KAT6B: variants seen among roughly 807,000 people sequenced by gnomAD.
The protein encoded by KAT6B is lysine acetyltransferase 6B.
KAT6B carries 10 observed loss-of-function variants against 187.5 expected under a neutral mutation model. The observed-to-expected ratio is 0.05, with a 90% CI of 0.03 to 0.09. The LOEUF (loss-of-function observed/expected upper bound fraction) is 0.09. KAT6B is among the 10% of genes least tolerant of loss of function. The pLI, the probability that KAT6B is intolerant of heterozygous loss-of-function variation, is 1.00. For missense variants in KAT6B, 1,952 were observed against 2,558.9 expected (o/e 0.76, Z 5.12); for synonymous variants, 861 against 926.8 (o/e 0.93, Z 1.29).
Position 74,842,847 on chromosome 10 carries a change from A to G in KAT6B, c.-11A>G, listed in dbSNP as rs192373692. Reference sequence around the variant, plus strand: ...GGGTAACTTTTGTGTTGAAGAAGTCATTTGTCAACCATGGTAAAACTTGCA... The same window carrying G: ...GGGTAACTTTTGTGTTGAAGAAGTCGTTTGTCAACCATGGTAAAACTTGCA... On this transcript the variant is annotated 5_prime_UTR_variant, in exon 3 of 18. Coordinates refer to ENST00000287239, the MANE Select transcript of KAT6B (RefSeq NM_012330.4). 5 of 1,613,872 alleles carry G rather than the reference A, an allele frequency of 3.1e-6. No homozygotes were observed. The African/African-American group carries it at 5.3e-5, about 17-fold the overall frequency.
intron 3 of KAT6B, among the ~76,000 whole-genome samples, chr10:74,870,907 T>C (rs1171773755): frequency 6.8e-6 from 1 of 146,906 alleles, no homozygotes; most frequent in Non-Finnish European, 1.5e-5. Flanking sequence ...ATATGGAGTC[T>C]TACTCTGTCA....
At position 74,981,935 on chromosome 10, in the gene KAT6B, G is replaced by A. The variant is rs555317263; in HGVS notation, c.2373+7G>A. 69 of 1,613,260 alleles carry A rather than the reference G, an allele frequency of 4.3e-5. No homozygotes were observed. The highest frequency in any genetic ancestry group is 1.7e-4 in the Middle Eastern group (1 of 5,942). ...AGACCTTTCAGTATTTGAGGTAAGC[G>A]CGTGTAAATAAAAAAATTCAGCTTT... On this transcript the variant is annotated splice_region_variant and intron_variant, in intron 11 of 17. Transcript: ENST00000287239.
intron 3 of KAT6B, among the ~76,000 whole-genome samples, chr10:74,888,038 C>T (rs886064944): frequency 1.3e-5 from 2 of 152,094 alleles, no homozygotes; most frequent in Non-Finnish European, 2.9e-5. Flanking sequence ...CACAGGCTGG[C>T]AGAGCACTGA....
chr10:74,990,392 G>A (rs768173531), intron 13 of KAT6B, among the ~76,000 whole-genome samples: 1 of 151,726 alleles, frequency 6.6e-6, no homozygotes, highest in African/African-American at 2.4e-5. Context: ...AAGAAATATA[G>A]TGAATCTAAA....
chr10:74,842,489 C>A, intron 2 of KAT6B, 111 bp from the exon 3 acceptor site: 1 of 484,124 alleles, frequency 2.1e-6, no homozygotes, highest in Non-Finnish European at 3.4e-6. Context: ...ACCTGCCTGT[C>A]ATTACTTCTT....
At chr10:74,893,679 A>T (rs1416822479) in intron 3 of KAT6B, among the ~76,000 whole-genome samples, 1 of 152,094 alleles carries the variant, frequency 6.6e-6, no homozygotes, top group East Asian at 1.9e-4. Context: ...CATATTGGCC[A>T]GGCTAGTCTT....
At chr10:74,837,378 A>T (rs924088424) in intron 1 of KAT6B, among the ~76,000 whole-genome samples, 9 of 152,330 alleles carry the variant, frequency 5.9e-5, no homozygotes, top group African/African-American at 2.2e-4. Flanking sequence ...CCCAGAATTA[A>T]TTTAGGATGA....
At chr10:74,925,394 G>A (rs1047430805) in intron 3 of KAT6B, among the ~76,000 whole-genome samples, 7 of 150,820 alleles carry the variant, frequency 4.6e-5, no homozygotes, top group African/African-American at 1.5e-4. Context: ...CTCCTCTCTA[G>A]TCCCCACCCC....
At chr10:75,002,924 T>C (rs1173470650) in intron 13 of KAT6B, 8 of 152,342 alleles carry the variant, frequency 5.3e-5, no homozygotes, top group East Asian at 1.9e-4. Flanking sequence ...TAGGTTCTTA[T>C]TAATTGTTGA....
intron 17 of KAT6B, among the ~76,000 whole-genome samples, chr10:75,026,434 C>T (rs1271668492): frequency 6.6e-6 from 1 of 152,144 alleles, no homozygotes; most frequent in African/African-American, 2.4e-5. Flanking sequence ...TTACTTTAAT[C>T]TGGGGAACAG....
chr10:74,861,963 CTT>C (rs144703939), intron 3 of KAT6B, among the ~76,000 whole-genome samples: 3,519 of 152,300 alleles, frequency 0.023, 133 homozygotes, highest in African/African-American at 0.08. Context: ...CCTCTCTCCT[CTT>C]TGTCTTCATA....
rs200169190 is a variant in KAT6B, at chr10:75,023,888, TAC to T, written c.3373-1068_3373-1067del. 5.3e-5 allele frequency: 8 copies of T among 152,172 alleles called. No individual in the cohort carries two copies. In the East Asian group the frequency reaches 1.5e-3, roughly 29 times the overall value. 9.4% of individuals were successfully genotyped at this position (152,172 alleles called of 1,614,324 possible). On this transcript the variant is annotated intron_variant, in intron 16 of 17. Coordinates refer to ENST00000287239, the MANE Select transcript of KAT6B (RefSeq NM_012330.4). ...TAAAATAATAATAATAATAATTGAA[TAC>T]AGTTTACCTGAAGGTTAGCTTTTAA...
chr10:74,875,937 C>G (rs530299653), intron 3 of KAT6B, among the ~76,000 whole-genome samples: 14 of 152,206 alleles, frequency 9.2e-5, no homozygotes, highest in African/African-American at 3.4e-4. Context: ...CTTTTCATTC[C>G]CAGGAGGAAC....
At chr10:74,968,708 TA>T (rs1156827610) in intron 4 of KAT6B, among the ~76,000 whole-genome samples, 1 of 152,272 alleles carries the variant, frequency 6.6e-6, no homozygotes, top group Non-Finnish European at 1.5e-5. Context: ...AGACCAGGTT[TA>T]AAAAAATAAA....
intron 3 of KAT6B, among the ~76,000 whole-genome samples, chr10:74,853,256 G>C (rs1440227135): frequency 1.3e-5 from 2 of 149,968 alleles, no homozygotes; most frequent in Admixed American, 1.3e-4. Flanking sequence ...TGAGTAACTG[G>C]GACTACAGGT....
intron 3 of KAT6B, among the ~76,000 whole-genome samples, chr10:74,909,456 G>T (rs928484590): frequency 1.3e-5 from 2 of 152,172 alleles, no homozygotes; most frequent in Admixed American, 1.3e-4. Flanking sequence ...CAGAAAAATT[G>T]TTCCCTGTCC....
chr10:74,930,556 A>G (rs916698003), intron 3 of KAT6B, among the ~76,000 whole-genome samples: 1 of 152,268 alleles, frequency 6.6e-6, no homozygotes. Context: ...TAATGAAAGA[A>G]AATGATTTCA....
chr10:75,021,761 G>A, intron 15 of KAT6B, 120 bp from the exon 16 acceptor site: 2 of 962,036 alleles, frequency 2.1e-6, no homozygotes, highest in Non-Finnish European at 3.3e-6. Flanking sequence ...GCTGGAATGT[G>A]CTTGGCTGGC....
intron 3 of KAT6B, among the ~76,000 whole-genome samples, chr10:74,864,715 C>G (rs1192647237): frequency 6.6e-6 from 1 of 152,130 alleles, no homozygotes; most frequent in African/African-American, 2.4e-5. Context: ...CTCGACTACC[C>G]CAGGTGTTTT....
Sources: allele counts gnomAD v4.1 joint callset (sites outside exome capture counted in the v4.1 genomes callset), GRCh38; gene constraint gnomAD v4.1.1; transcripts MANE v1.5; gene names NCBI Gene and HGNC (gene_info 2026-07-23, HGNC 2026-07-21).